Variants in DCC observed in about 807,000 individuals in gnomAD.
DCC encodes the protein netrin receptor DCC.
In DCC, 58 loss-of-function variants were observed where a neutral mutation model predicts 172.5. The observed-to-expected ratio is 0.34, with a 90% confidence interval of 0.27 to 0.42. The LOEUF (loss-of-function observed/expected upper bound fraction) is 0.42, where lower values mean the gene tolerates loss of function less well. Ranked by LOEUF, DCC falls within the 10% of genes least tolerant of loss-of-function variation. The pLI is 1.00. For synonymous variants in DCC, 709 were observed against 644.5 expected, an observed-to-expected ratio of 1.10 and a Z score of -1.52; for missense variants, 1,740 against 1,791.0, an observed-to-expected ratio of 0.97 and a Z score of 0.51.
chr18:53,446,816 T>G (rs11664788), intron 22 of DCC, among the ~76,000 whole-genome samples: 72,934 of 151,550 alleles, frequency 0.48, 18,554 homozygotes, highest in Non-Finnish European at 0.58. Flanking sequence ...TGCCCCTTTT[T>G]TGGTATGTTT....
intron 1 of DCC, among the ~76,000 whole-genome samples, chr18:52,500,974 GTTA>G (rs1230232498): frequency 6.6e-6 from 1 of 151,978 alleles, no homozygotes; most frequent in East Asian, 1.9e-4. Context: ...TTTTTTCTTT[GTTA>G]TTATTTTGAA....
At chr18:53,089,195 C>T (rs2042965618) in intron 7 of DCC, among the ~76,000 whole-genome samples, 1 of 152,124 alleles carries the variant, frequency 6.6e-6, no homozygotes, top group South Asian at 2.1e-4. Flanking sequence ...AAGTGATTCT[C>T]CTGCCTCAGC....
At chr18:52,869,030 T>A (rs1238590448) in intron 2 of DCC, among the ~76,000 whole-genome samples, 1 of 152,222 alleles carries the variant, frequency 6.6e-6, no homozygotes, top group Non-Finnish European at 1.5e-5. Flanking sequence ...AAGAGGGAGA[T>A]ACAGCCCTGG....
intron 7 of DCC, among the ~76,000 whole-genome samples, chr18:53,098,326 G>T (rs924657798): frequency 6.6e-6 from 1 of 151,998 alleles, no homozygotes; most frequent in Non-Finnish European, 1.5e-5. Context: ...AGATTTTGCC[G>T]ATTATCCCAA....
chr18:52,734,069 A>T (rs953065475), intron 1 of DCC, among the ~76,000 whole-genome samples: 30 of 151,980 alleles, frequency 2.0e-4, no homozygotes, highest in African/African-American at 5.8e-4. Context: ...TCTTTAAAAG[A>T]GTAATAAGTA....
intron 1 of DCC, among the ~76,000 whole-genome samples, chr18:52,650,523 C>A (rs1448126768): frequency 2.0e-5 from 3 of 152,032 alleles, no homozygotes; most frequent in Non-Finnish European, 4.4e-5. Flanking sequence ...TTGCCAACCT[C>A]TGTTTTTTTT....
chr18:53,329,718 A>G (rs770980770), intron 14 of DCC, among the ~76,000 whole-genome samples: 2 of 152,262 alleles, frequency 1.3e-5, no homozygotes, highest in African/African-American at 4.8e-5. Context: ...TAAATTTTAA[A>G]TGATTAAGGA....
intron 5 of DCC, among the ~76,000 whole-genome samples, chr18:52,956,803 G>T (rs1164906508): frequency 2.6e-5 from 4 of 151,848 alleles, no homozygotes. Flanking sequence ...ATGCTTAATG[G>T]ATTAAAATTT....
intron 2 of DCC, among the ~76,000 whole-genome samples, chr18:52,800,128 T>G (rs1221365218): frequency 6.6e-6 from 1 of 152,196 alleles, no homozygotes; most frequent in Non-Finnish European, 1.5e-5. Flanking sequence ...AGTGAATTAA[T>G]GAAATTAGTT....
rs151125878 is a variant in DCC at position 53,500,530 on chromosome 18, T to G, written c.4111+1020T>G. 1.4e-3 allele frequency among the ~76,000 whole-genome samples: 209 copies of G among 152,032 alleles called. 3 individuals are homozygous for G. In the East Asian group the frequency reaches 0.035, roughly 25 times the overall value. ...ATTAGTACACAAGCCACATAATGACTGTAAAAGCTAGAAAAATGATTGTCT... is the reference window on the plus strand; with the variant it reads ...ATTAGTACACAAGCCACATAATGACGGTAAAAGCTAGAAAAATGATTGTCT... On this transcript the variant is annotated intron_variant, in intron 27 of 28. Transcript: ENST00000442544.
chr18:52,587,095 C>A (rs1048763828), intron 1 of DCC, among the ~76,000 whole-genome samples: 4 of 152,134 alleles, frequency 2.6e-5, no homozygotes, highest in African/African-American at 7.2e-5. Context: ...TGAGGACAAA[C>A]CTCTGCCCTT....
intron 12 of DCC, among the ~76,000 whole-genome samples, chr18:53,242,933 T>C (rs2056319861): frequency 6.6e-6 from 1 of 151,762 alleles, no homozygotes; most frequent in Non-Finnish European, 1.5e-5. Flanking sequence ...ACTTGCAGGG[T>C]GCAAGCTCTC....
intron 7 of DCC, among the ~76,000 whole-genome samples, chr18:53,073,030 T>A (rs1373021426): frequency 6.6e-6 from 1 of 152,204 alleles, no homozygotes; most frequent in East Asian, 1.9e-4. Flanking sequence ...GCTCAATAAA[T>A]GTAATCTGCA....
At position 52,586,082 on chromosome 18, in the gene DCC, C is replaced by CA. The variant is rs5824949; in HGVS notation, c.92-165946dup. ...TGGGCGACAGAGCAAGACTCCGTCT[C>CA]AAAAAAAAAAAAAAAAAAAAAAAAA... On this transcript the variant is annotated intron_variant, in intron 1 of 28. Coordinates refer to ENST00000442544, the MANE Select transcript of DCC (RefSeq NM_005215.4). Among the ~76,000 whole-genome samples, 14 of 73,236 alleles carry CA rather than the reference C, an allele frequency of 1.9e-4. 1 individual carries two copies. Among genetic ancestry groups the CA allele is most frequent in the African/African-American group, 6.7e-4 (12 of 17,882 alleles). 48.0% of individuals were successfully genotyped at this position (73,236 alleles called of 152,430 possible).
At chr18:53,523,044 A>G (rs901609396) in intron 27 of DCC, among the ~76,000 whole-genome samples, 1 of 152,216 alleles carries the variant, frequency 6.6e-6, no homozygotes, top group African/African-American at 2.4e-5. Context: ...TCCAGAATCT[A>G]CAAAGAACTT....
At chr18:53,502,534 G>GT (rs1473502612) in intron 27 of DCC, among the ~76,000 whole-genome samples, 7 of 152,144 alleles carry the variant, frequency 4.6e-5, no homozygotes, top group Admixed American at 4.6e-4. Flanking sequence ...GAAATACTTA[G>GT]AGCTTTCAAC....
intron 11 of DCC, among the ~76,000 whole-genome samples, chr18:53,210,554 C>T (rs983508443): frequency 1.3e-5 from 2 of 152,128 alleles, no homozygotes; most frequent in Non-Finnish European, 2.9e-5. Flanking sequence ...ATTAATTAGA[C>T]AGCTCAGTCA....
chr18:53,505,664 C>G (rs1002740663), intron 27 of DCC, among the ~76,000 whole-genome samples: 1 of 152,244 alleles, frequency 6.6e-6, no homozygotes, highest in Non-Finnish European at 1.5e-5. Flanking sequence ...TCCAGATAAT[C>G]GTAAGAGAAA....
chr18:53,074,797 TC>T (rs1428019743), intron 7 of DCC, among the ~76,000 whole-genome samples: 1 of 152,140 alleles, frequency 6.6e-6, no homozygotes, highest in Non-Finnish European at 1.5e-5. Context: ...TACACTCTTA[TC>T]CAGTTTACTT....
Sources: gnomAD v4.1 joint callset for allele counts (sites outside exome capture counted in the v4.1 genomes callset) on GRCh38, gnomAD v4.1.1 for gene constraint, MANE v1.5 for transcripts, NCBI Gene and HGNC (gene_info 2026-07-23, HGNC 2026-07-21) for gene names.